Variants in CC2D2B observed in about 807,000 individuals in gnomAD.
The protein encoded by CC2D2B is protein CC2D2B.
In CC2D2B, 128 loss-of-function variants were observed where a neutral mutation model predicts 161.2. The observed-to-expected ratio is 0.79, with a 90% CI of 0.69 to 0.92. CC2D2B has a LOEUF of 0.92. CC2D2B is among the 40% of genes least tolerant of loss of function. CC2D2B has a pLI of 0.00. For missense variants in CC2D2B, 1,173 were observed against 1,375.1 expected, an observed-to-expected ratio of 0.85 and a Z score of 2.32; for synonymous variants, 391 against 449.8, an observed-to-expected ratio of 0.87 and a Z score of 1.65.
chr10:95,983,816 G>C lies in CC2D2B; in HGVS notation c.2286+7G>C, dbSNP rs1242352344. ...TCCAGATTTAGTCTTCCAGGTATTTGGTTTCTATTTGAATATGGCTTATTG... is the reference window on the plus strand; with the variant it reads ...TCCAGATTTAGTCTTCCAGGTATTTCGTTTCTATTTGAATATGGCTTATTG... On this transcript the variant is annotated splice_region_variant and intron_variant, in intron 19 of 34. Coordinates refer to ENST00000646931, the MANE Select transcript of CC2D2B (RefSeq NM_001349008.3). 1 of 1,195,610 alleles carries C rather than the reference G, an allele frequency of 8.4e-7. No individual in the cohort carries two copies. Among genetic ancestry groups the C allele is most frequent in the East Asian group, 3.2e-5 (1 of 31,446 alleles). The allele number at this position is 1,195,610 out of a possible 1,614,324, so 74.1% of individuals were successfully genotyped here. A position where few individuals can be genotyped will look rare whatever the true frequency, so the allele number is the denominator to read the frequency against.
At chr10:95,996,362 T>G in intron 24 of CC2D2B, 110 bp downstream of exon 24, 3 of 565,858 alleles carry the variant, frequency 5.3e-6, no homozygotes, top group Non-Finnish European at 6.2e-6. Context: ...ATTTAAGCTT[T>G]TAAATTTTGA....
intron 17 of CC2D2B, among the ~76,000 whole-genome samples, chr10:95,977,276 G>T (rs1015849255): frequency 1.3e-5 from 2 of 152,158 alleles, no homozygotes; most frequent in Admixed American, 6.5e-5. Context: ...CCAGGAGGCT[G>T]AGGCAGGAGA....
intron 24 of CC2D2B, among the ~76,000 whole-genome samples, chr10:96,001,059 C>T (rs2078471387): frequency 6.6e-6 from 1 of 152,110 alleles, no homozygotes; most frequent in Admixed American, 6.5e-5. Flanking sequence ...TTCCTGCTTG[C>T]TACCAAGAAG....
chr10:96,019,493 T>C (rs1325357091), intron 31 of CC2D2B, 156 bp downstream of exon 31: 1 of 844,154 alleles, frequency 1.2e-6, no homozygotes, highest in African/African-American at 1.7e-5. Flanking sequence ...CTCCTCCAGG[T>C]GATTGTGTAG....
At chr10:95,980,090 A>G (rs2077455610) in intron 17 of CC2D2B, among the ~76,000 whole-genome samples, 1 of 152,014 alleles carries the variant, frequency 6.6e-6, no homozygotes, top group Admixed American at 6.6e-5. Flanking sequence ...ACAACCAAAG[A>G]GTTTCCCATG....
At chr10:95,934,944 C>T (rs771645422) in intron 6 of CC2D2B, among the ~76,000 whole-genome samples, 6 of 152,136 alleles carry the variant, frequency 3.9e-5, no homozygotes, top group Non-Finnish European at 7.4e-5. Flanking sequence ...GACCTCAGCT[C>T]ACTGCAACCT....
At chr10:95,997,452 A>G (rs964874429) in intron 24 of CC2D2B, among the ~76,000 whole-genome samples, 1 of 151,856 alleles carries the variant, frequency 6.6e-6, no homozygotes, top group Non-Finnish European at 1.5e-5. Flanking sequence ...GTGCAGTTGT[A>G]TAATCATAGC....
chr10:96,012,452 C>CA (rs1195957772), intron 27 of CC2D2B, 80 bp from the exon 28 acceptor site: 1 of 1,043,210 alleles, frequency 9.6e-7, no homozygotes, highest in East Asian at 2.4e-5. Context: ...TCAAAGATGG[C>CA]AAAAATAAAC....
Position 95,961,932 on chromosome 10 carries a change from G to A in CC2D2B, c.1213G>A (p.Gly405Arg), listed in dbSNP as rs1331944704. ...KQIKSLRHGQGFTSTPIKLQV... is the reference protein window; with the variant it reads ...KQIKSLRHGQRFTSTPIKLQV... ...GATTAAATCTCTTCGACATGGGCAA[G>A]GGTTTACAAGCACCCCAATAAAGTT... The change falls in exon 12 of 35, where the codon GGG becomes AGG. Residue 405 changes from glycine to arginine, a missense_variant. Around this residue, in one of 3 missense-constraint regions of CC2D2B, gnomAD observed 277 missense variants for 420.6 expected, o/e 0.66. Coordinates refer to ENST00000646931, the MANE Select transcript of CC2D2B (RefSeq NM_001349008.3). The A allele has an allele frequency of 1.6e-6, 2 of 1,231,498 alleles. No individual in the cohort carries two copies. Among genetic ancestry groups the A allele is most frequent in the Admixed American group, 8.5e-5 (2 of 23,662 alleles). The allele number at this position is 1,231,498 out of a possible 1,614,324, so 76.3% of individuals were successfully genotyped here.
intron 18 of CC2D2B, among the ~76,000 whole-genome samples, chr10:95,983,250 C>T (rs1293266327): frequency 6.6e-6 from 1 of 152,196 alleles, no homozygotes; most frequent in Non-Finnish European, 1.5e-5. Flanking sequence ...TAGATTAGAG[C>T]TTCTCAGCTG....
intron 17 of CC2D2B, among the ~76,000 whole-genome samples, chr10:95,977,808 A>G (rs192705199): frequency 6.6e-6 from 1 of 152,288 alleles, no homozygotes; most frequent in Admixed American, 6.5e-5. Context: ...TAAGTCTGCT[A>G]TTGGTCTAAA....
intron 14 of CC2D2B, among the ~76,000 whole-genome samples, chr10:95,966,881 A>G (rs1433847430): frequency 2.0e-5 from 3 of 152,170 alleles, no homozygotes; most frequent in Non-Finnish European, 2.9e-5. Context: ...ACATTATGCA[A>G]AAACAGACAT....
intron 32 of CC2D2B, among the ~76,000 whole-genome samples, chr10:96,023,272 G>A (rs1378830070): frequency 6.6e-6 from 1 of 152,224 alleles, no homozygotes; most frequent in East Asian, 1.9e-4. Flanking sequence ...TGGGCTCATG[G>A]CCCTCCATCT....
intron 3 of CC2D2B, among the ~76,000 whole-genome samples, chr10:95,923,845 T>C (rs1228440645): frequency 6.6e-6 from 1 of 151,966 alleles, no homozygotes; most frequent in African/African-American, 2.4e-5. Context: ...CGAAACCCCA[T>C]CTCTACTAAA....
At chr10:95,974,837 AG>A (rs1476736884) in intron 17 of CC2D2B, among the ~76,000 whole-genome samples, 1 of 152,232 alleles carries the variant, frequency 6.6e-6, no homozygotes, top group Non-Finnish European at 1.5e-5. Flanking sequence ...CAGAGGTTCT[AG>A]GGGGAGATAA....
chr10:95,987,702 G>C (rs2077787074), intron 19 of CC2D2B, among the ~76,000 whole-genome samples: 1 of 152,074 alleles, frequency 6.6e-6, no homozygotes, highest in Non-Finnish European at 1.5e-5. Flanking sequence ...TAACTACTTA[G>C]TATATGCCAG....
At chr10:95,941,135 C>A (rs1272728590) in intron 9 of CC2D2B, among the ~76,000 whole-genome samples, 1 of 152,140 alleles carries the variant, frequency 6.6e-6, no homozygotes, top group East Asian at 1.9e-4. Context: ...GACTGGACAT[C>A]CACTTGCAAA....
At chr10:95,948,071 A>G (rs1482927248) in intron 9 of CC2D2B, among the ~76,000 whole-genome samples, 3 of 152,198 alleles carry the variant, frequency 2.0e-5, no homozygotes, top group Non-Finnish European at 4.4e-5. Context: ...TGAAAGTCCA[A>G]CTTCCACTCC....
intron 6 of CC2D2B, among the ~76,000 whole-genome samples, chr10:95,933,959 A>T (rs2075711338): frequency 6.6e-6 from 1 of 152,164 alleles, no homozygotes; most frequent in Non-Finnish European, 1.5e-5. Context: ...GGAACGTTTA[A>T]GTCTGCTGAA....
Sources: gnomAD v4.1 joint callset for allele counts (sites outside exome capture counted in the v4.1 genomes callset) on GRCh38, gnomAD v4.1.1 for gene constraint, gnomAD v4.1.1 regional missense constraint, MANE v1.5 for transcripts, NCBI Gene and HGNC (gene_info 2026-07-23, HGNC 2026-07-21) for gene names.